Variants in NFIA observed in about 807,000 individuals in gnomAD.
The protein encoded by NFIA is nuclear factor I A.
Under a neutral mutation model 62.8 loss-of-function variants are expected in NFIA, and 8 were observed. The ratio of observed to expected loss-of-function variants is 0.13; its 90% CI spans 0.07 to 0.23. The LOEUF is 0.23. Among genes scored for constraint, NFIA ranks in the 10% least tolerant of loss-of-function variants. The pLI is 1.00. For missense variants in NFIA, 410 were observed against 642.1 expected (o/e 0.64, Z 3.91); for synonymous variants, 235 against 238.1 (o/e 0.99, Z 0.12).
intron 2 of NFIA, among the ~76,000 whole-genome samples, chr1:61,193,088 C>G (rs750566524): frequency 6.6e-6 from 1 of 152,248 alleles, no homozygotes; most frequent in Admixed American, 6.5e-5. Flanking sequence ...CTGGAAACCA[C>G]TGCCAGAATC....
At chr1:61,361,861 A>G (rs1221021396) in intron 6 of NFIA, among the ~76,000 whole-genome samples, 1 of 150,982 alleles carries the variant, frequency 6.6e-6, no homozygotes, top group African/African-American at 2.4e-5. Context: ...AATCCCTCAC[A>G]GTTGTATTCC....
chr1:61,161,173 C>T (rs926850161), intron 2 of NFIA, among the ~76,000 whole-genome samples: 13 of 152,210 alleles, frequency 8.5e-5, no homozygotes, highest in African/African-American at 2.9e-4. Context: ...CCTTGGCCTC[C>T]CAAAGTGCTG....
In NFIA at chr1:61,413,180, A is replaced by G. The variant is rs147439850; in HGVS notation, c.1420+6453A>G. Among the ~76,000 whole-genome samples the G allele has an allele frequency of 5.9e-3, 901 of 152,280 alleles. 15 individuals are homozygous for G. Among genetic ancestry groups the G allele is most frequent in the African/African-American group, 0.021 (866 of 41,548 alleles). On this transcript the variant is annotated intron_variant, in intron 9 of 10. Coordinates refer to ENST00000403491, the MANE Select transcript of NFIA (RefSeq NM_001134673.4). ...AATTCTATTAAAATAGAAGCATATA[A>G]TAAGTTACCTTTATTATTTATTTTT...
At chr1:61,102,879 A>G (rs1448253268) in intron 2 of NFIA, among the ~76,000 whole-genome samples, 1 of 152,134 alleles carries the variant, frequency 6.6e-6, no homozygotes, top group African/African-American at 2.4e-5. Context: ...TCAGCCTCAG[A>G]TCTTTGATTC....
chr1:61,266,970 G>T (rs1479270839), intron 2 of NFIA, among the ~76,000 whole-genome samples: 1 of 152,178 alleles, frequency 6.6e-6, no homozygotes, highest in Non-Finnish European at 1.5e-5. Flanking sequence ...GAATGAGTCA[G>T]TTGAGGTTCA....
intron 2 of NFIA, among the ~76,000 whole-genome samples, chr1:61,131,367 A>T (rs926127157): frequency 1.2e-4 from 19 of 152,150 alleles, no homozygotes; most frequent in Non-Finnish European, 1.5e-5. Context: ...AAATGTGACA[A>T]TTACTTTGTT....
intron 2 of NFIA, among the ~76,000 whole-genome samples, chr1:61,228,633 T>C (rs1654477096): frequency 6.6e-6 from 1 of 152,222 alleles, no homozygotes; most frequent in Non-Finnish European, 1.5e-5. Flanking sequence ...ATTCAATTCA[T>C]TCATTCATTT....
intron 10 of NFIA, among the ~76,000 whole-genome samples, chr1:61,427,132 T>G (rs911015392): frequency 2.6e-5 from 4 of 152,084 alleles, no homozygotes; most frequent in Non-Finnish European, 4.4e-5. Flanking sequence ...TGTGTATGAG[T>G]CATATCTGAA....
intron 2 of NFIA, among the ~76,000 whole-genome samples, chr1:61,233,775 A>G (rs1470299842): frequency 6.6e-6 from 1 of 152,190 alleles, no homozygotes; most frequent in Non-Finnish European, 1.5e-5. Flanking sequence ...GAGGTGCTCA[A>G]TCAATAATTA....
At chr1:61,442,146 A>T (rs1557442401) in intron 10 of NFIA, among the ~76,000 whole-genome samples, 1 of 152,152 alleles carries the variant, frequency 6.6e-6, no homozygotes, top group Non-Finnish European at 1.5e-5. Flanking sequence ...CTGACGAGGG[A>T]TGCCAGGCAC....
chr1:61,178,850 C>T (rs1179599355), intron 2 of NFIA, among the ~76,000 whole-genome samples: 1 of 152,132 alleles, frequency 6.6e-6, no homozygotes, highest in African/African-American at 2.4e-5. Flanking sequence ...GAGGTGATCC[C>T]AGGAAGTATG....
chr1:61,320,667 C>G (rs1278474102), intron 3 of NFIA, among the ~76,000 whole-genome samples: 5 of 152,130 alleles, frequency 3.3e-5, no homozygotes, highest in African/African-American at 9.7e-5. Context: ...CCCTGGCTAT[C>G]TACTTTCATT....
At chr1:61,311,284 G>A (rs924069619) in intron 3 of NFIA, among the ~76,000 whole-genome samples, 7 of 152,054 alleles carry the variant, frequency 4.6e-5, no homozygotes, top group East Asian at 3.9e-4. Context: ...CCAGCTACTC[G>A]AGAGGCTGAG....
chr1:61,344,084 A>T lies in NFIA; in HGVS notation c.701-8366A>T, dbSNP rs147793047. On this transcript the variant is annotated intron_variant, in intron 4 of 10. Transcript: ENST00000403491. ...TTTTTCTTTCTAAAAGCCCTTTCTC[A>T]TAGGCAGTGTTCAGGAAGCATATTA... Among the ~76,000 whole-genome samples, 346 of 152,268 alleles carry T rather than the reference A, an allele frequency of 2.3e-3. 5 individuals are homozygous for T. Among genetic ancestry groups the T allele is most frequent in the Admixed American group, 0.02 (308 of 15,298 alleles).
chr1:61,115,483 G>A (rs1570184887), intron 2 of NFIA, among the ~76,000 whole-genome samples: 2 of 152,230 alleles, frequency 1.3e-5, no homozygotes, highest in Non-Finnish European at 2.9e-5. Context: ...TTGATTCTGA[G>A]CTGGAGAGAA....
intron 4 of NFIA, among the ~76,000 whole-genome samples, chr1:61,340,785 CTA>C (rs892060724): frequency 1.8e-4 from 27 of 152,322 alleles, no homozygotes; most frequent in African/African-American, 5.5e-4. Context: ...AAGAGCCACT[CTA>C]GTGACCCTTA....
At chr1:61,080,755 A>G (rs1646085697), upstream of NFIA, among the ~76,000 whole-genome samples, 1 of 152,234 alleles carries the variant, frequency 6.6e-6, no homozygotes, top group Admixed American at 6.5e-5. Context: ...GAGATTTCCA[A>G]GGATGTTCAG....
At chr1:61,150,556 A>G (rs1648327050) in intron 2 of NFIA, among the ~76,000 whole-genome samples, 1 of 152,160 alleles carries the variant, frequency 6.6e-6, no homozygotes. Flanking sequence ...TTTGGGGGGA[A>G]ATTTTAAAAT....
At position 61,403,983 on chromosome 1, in the gene NFIA, G is replaced by A. The variant is rs189683311; in HGVS notation, c.1076-121G>A. On this transcript the variant is annotated intron_variant, in intron 7 of 10. Coordinates refer to ENST00000403491, the MANE Select transcript of NFIA (RefSeq NM_001134673.4). ...TCAGACCTATCCAGTGTTAAATTCAGTCACATGAGCAATATTGTGAATCGG... is the reference window on the plus strand; with the variant it reads ...TCAGACCTATCCAGTGTTAAATTCAATCACATGAGCAATATTGTGAATCGG... 9,496 of 1,154,644 alleles carry A rather than the reference G, an allele frequency of 8.2e-3. 59 individuals carry two copies. Among genetic ancestry groups the A allele is most frequent in the Middle Eastern group, 0.011 (37 of 3,404 alleles). The allele number at this position is 1,154,644 out of a possible 1,614,324, so 71.5% of individuals were successfully genotyped here. A position where few individuals can be genotyped will look rare whatever the true frequency, so the allele number is the denominator to read the frequency against.
Sources: allele counts gnomAD v4.1 joint callset (sites outside exome capture counted in the v4.1 genomes callset), GRCh38; gene constraint gnomAD v4.1.1; transcripts MANE v1.5; gene names NCBI Gene and HGNC (gene_info 2026-07-23, HGNC 2026-07-21).